Variants in PLCH1 observed in about 807,000 individuals in gnomAD.
The protein encoded by PLCH1 is phospholipase C eta 1, also known as 1-phosphatidylinositol 4,5-bisphosphate phosphodiesterase eta-1.
In PLCH1, 60 loss-of-function variants were observed where a neutral mutation model predicts 126.7. The observed-to-expected ratio is 0.47, with a 90% CI of 0.38 to 0.59. The LOEUF (loss-of-function observed/expected upper bound fraction) is 0.59, where lower values mean the gene tolerates loss of function less well. Ranked by LOEUF, PLCH1 falls within the 20% of genes least tolerant of loss-of-function variation. PLCH1 has a pLI of 0.00. For synonymous variants in PLCH1, 719 were observed against 734.9 expected (o/e 0.98, Z 0.35); for missense variants, 1,723 against 2,040.0 (o/e 0.84, Z 2.99).
chr3:155,731,547 A>G (rs1423966552), intron 1 of PLCH1, among the ~76,000 whole-genome samples: 1 of 152,174 alleles, frequency 6.6e-6, no homozygotes, highest in African/African-American at 2.4e-5. Context: ...CCACCCACAC[A>G]GCACACCAGA....
At chr3:155,605,746 G>A (rs1404693910) in intron 2 of PLCH1, among the ~76,000 whole-genome samples, 3 of 152,206 alleles carry the variant, frequency 2.0e-5, no homozygotes, top group African/African-American at 7.2e-5. Context: ...TTTCTGGTCT[G>A]TTGTTTGTGT....
At chr3:155,715,744 C>A (rs1007029279) in intron 1 of PLCH1, among the ~76,000 whole-genome samples, 76 of 151,154 alleles carry the variant, frequency 5.0e-4, no homozygotes, top group African/African-American at 1.7e-3. Flanking sequence ...TTCCAAGTAA[C>A]TAGAACTACA....
chr3:155,720,416 C>A (rs1428517209), intron 1 of PLCH1, among the ~76,000 whole-genome samples: 2 of 152,092 alleles, frequency 1.3e-5, no homozygotes, highest in Admixed American at 6.6e-5. Context: ...GCTGTTCTTG[C>A]AGGAGTAAGG....
intron 9 of PLCH1, among the ~76,000 whole-genome samples, chr3:155,552,220 T>G (rs1347751596): frequency 6.6e-6 from 1 of 152,248 alleles, no homozygotes; most frequent in African/African-American, 2.4e-5. Context: ...TTTCCTTTAA[T>G]TCAAAAATCC....
At chr3:155,542,349 G>C (rs1233719617) in intron 10 of PLCH1, among the ~76,000 whole-genome samples, 5 of 152,222 alleles carry the variant, frequency 3.3e-5, no homozygotes, top group Admixed American at 1.3e-4. Context: ...GCCCGCCATT[G>C]CCCAGGCTTG....
At chr3:155,495,805 G>A (rs1716950455) in intron 15 of PLCH1, among the ~76,000 whole-genome samples, 2 of 152,134 alleles carry the variant, frequency 1.3e-5, no homozygotes, top group Non-Finnish European at 2.9e-5. Context: ...ATGTGATGAT[G>A]TTTCTAGTTT....
In PLCH1 at chr3:155,482,235, T is replaced by G; in HGVS notation, c.3791A>C (p.Asn1264Thr). ...AGTGCAGGTAGTTTCATAAACTGTG[T>G]TCGTTGCATGTTTGGTGGTCTCAGA... ...SSSETTKHAT[N>T]TVYETTCTPI... Residue 1264 changes from asparagine (N) to threonine (T), a missense_variant, in exon 23 of 23, where the codon AAC (asparagine) becomes ACC (threonine). Transcript: ENST00000460012. 1.2e-6 allele frequency: 2 copies of G among 1,614,182 alleles called. No homozygotes were observed. The highest frequency in any genetic ancestry group is 2.2e-5 in the South Asian group (2 of 91,088).
chr3:155,568,079 G>A, intron 7 of PLCH1, 152 bp downstream of exon 7: 1 of 527,288 alleles, frequency 1.9e-6, no homozygotes, highest in Non-Finnish European at 3.4e-6. Flanking sequence ...TGCTTTGCAG[G>A]AAAATATATG....
At chr3:155,483,614 C>T (rs1480444477) in intron 22 of PLCH1, among the ~76,000 whole-genome samples, 1 of 152,102 alleles carries the variant, frequency 6.6e-6, no homozygotes, top group Non-Finnish European at 1.5e-5. Context: ...ATTAAAATAT[C>T]AATATCTGTT....
rs150748832 is a variant in PLCH1 at position 155,709,403 on chromosome 3, C to T, written c.-40-5139G>A. ...ATTTTGTATCATTTTGCATTGCTGC[C>T]AGCAATAAATGATAGTTCCTGTTGC... On this transcript the variant is annotated intron_variant, in intron 1 of 22. Coordinates refer to ENST00000460012, the MANE Select transcript of PLCH1 (RefSeq NM_014996.4). Among the ~76,000 whole-genome samples the T allele has an allele frequency of 5.0e-4, 76 of 152,250 alleles. No individual in the cohort carries two copies. In the East Asian group the frequency reaches 9.7e-3, roughly 19 times the overall value.
At chr3:155,578,855 G>A (rs929752495) in intron 6 of PLCH1, among the ~76,000 whole-genome samples, 1 of 152,058 alleles carries the variant, frequency 6.6e-6, no homozygotes, top group African/African-American at 2.4e-5. Context: ...TAAAACCTAG[G>A]AAGAATTTTC....
intron 2 of PLCH1, among the ~76,000 whole-genome samples, chr3:155,622,618 T>A (rs1353704560): frequency 2.0e-5 from 3 of 148,014 alleles, no homozygotes; most frequent in Non-Finnish European, 3.0e-5. Context: ...GTTGCAATCC[T>A]AGTCTTCAAT....
intron 6 of PLCH1, among the ~76,000 whole-genome samples, chr3:155,579,506 A>T (rs1730391408): frequency 6.6e-6 from 1 of 152,270 alleles, no homozygotes; most frequent in South Asian, 2.1e-4. Flanking sequence ...TTGTGTATCC[A>T]GTCCTGCTCA....
chr3:155,628,501 T>G (rs933443753), intron 2 of PLCH1, among the ~76,000 whole-genome samples: 5 of 151,672 alleles, frequency 3.3e-5, no homozygotes, highest in Non-Finnish European at 7.4e-5. Flanking sequence ...TCTGCCCAAC[T>G]GTACATAAAA....
intron 21 of PLCH1, chr3:155,485,989 C>T (rs1403931561): frequency 1.6e-6 from 1 of 613,904 alleles, no homozygotes; most frequent in African/African-American, 1.8e-5. Flanking sequence ...AAAGTCTCCA[C>T]AGCTCATAGA....
intron 2 of PLCH1, among the ~76,000 whole-genome samples, chr3:155,611,505 C>A (rs1342468411): frequency 3.9e-5 from 6 of 152,110 alleles, no homozygotes; most frequent in Non-Finnish European, 7.4e-5. Flanking sequence ...AAAACTGTAG[C>A]TCTCAAATTT....
intron 21 of PLCH1, chr3:155,486,327 G>A: frequency 1.6e-6 from 1 of 632,330 alleles, no homozygotes; most frequent in Admixed American, 2.9e-5. Context: ...TTAGTTTTGG[G>A]GATTTTTAGT....
At chr3:155,709,539 T>C (rs1033071692) in intron 1 of PLCH1, among the ~76,000 whole-genome samples, 3 of 152,220 alleles carry the variant, frequency 2.0e-5, no homozygotes, top group Admixed American at 6.5e-5. Flanking sequence ...TAATGATCTA[T>C]ATGAAGCACC....
At position 155,593,931 on chromosome 3, in the gene PLCH1, G is replaced by C; in HGVS notation, c.470+10C>G. On this transcript the variant is annotated intron_variant, in intron 4 of 22. Transcript: ENST00000460012. ...AGAGAGAGCTGAAAATAAAGTTCTA[G>C]AAAGGATATTGGTCATGGGTCCTCT... 8 of 1,613,620 alleles carry C rather than the reference G, an allele frequency of 5.0e-6. No individual in the cohort carries two copies. Among genetic ancestry groups the C allele is most frequent in the Non-Finnish European group, 5.9e-6 (7 of 1,179,678 alleles).
Sources: allele counts gnomAD v4.1 joint callset (sites outside exome capture counted in the v4.1 genomes callset), GRCh38; gene constraint gnomAD v4.1.1; transcripts MANE v1.5; gene names NCBI Gene and HGNC (gene_info 2026-07-23, HGNC 2026-07-21).